Variants in COL11A1 observed in about 807,000 individuals in gnomAD.
COL11A1 encodes collagen type XI alpha 1 chain, also known as collagen alpha-1(XI) chain.
A neutral mutation model predicts 265.2 loss-of-function variants in COL11A1; 74 were observed. The ratio of observed to expected loss-of-function variants is 0.28; its 90% CI spans 0.23 to 0.34. COL11A1 has a LOEUF of 0.34. Among genes scored for constraint, COL11A1 ranks in the 10% least tolerant of loss-of-function variants. The pLI, the probability that COL11A1 is intolerant of heterozygous loss-of-function variation, is 1.00. For synonymous variants in COL11A1, 816 were observed against 727.6 expected, an observed-to-expected ratio of 1.12 and a Z score of -1.96; for missense variants, 2,165 against 2,263.6, an observed-to-expected ratio of 0.96 and a Z score of 0.88.
intron 31 of COL11A1, 68 bp downstream of exon 31, chr1:102,984,065 TGTAAG>T: frequency 9.5e-7 from 1 of 1,056,354 alleles, no homozygotes; most frequent in Non-Finnish European, 1.5e-6. Flanking sequence ...TGTTACAAAT[TGTAAG>T]GTAATCATAA....
At chr1:102,887,331 T>C (rs1485258948) in intron 62 of COL11A1, among the ~76,000 whole-genome samples, 1 of 151,930 alleles carries the variant, frequency 6.6e-6, no homozygotes, top group East Asian at 1.9e-4. Context: ...TGTAGATATG[T>C]TATATATGTT....
At chr1:103,007,378 G>A (rs1557937104) in intron 15 of COL11A1, among the ~76,000 whole-genome samples, 1 of 152,018 alleles carries the variant, frequency 6.6e-6, no homozygotes, top group Non-Finnish European at 1.5e-5. Flanking sequence ...CTAATAATAG[G>A]TCAAATGTAG....
chr1:102,971,898 G>T (rs1662012322), intron 36 of COL11A1, among the ~76,000 whole-genome samples: 1 of 151,858 alleles, frequency 6.6e-6, no homozygotes, highest in Non-Finnish European at 1.5e-5. Context: ...TTTTAACCAA[G>T]GACCCAAAAC....
chr1:102,910,264 C>T (rs1056343309), intron 54 of COL11A1, among the ~76,000 whole-genome samples: 2 of 151,758 alleles, frequency 1.3e-5, no homozygotes, highest in African/African-American at 4.8e-5. Context: ...TTCATGTGAC[C>T]CACCACTGAA....
chr1:103,076,136 A>G (rs1278804653), intron 3 of COL11A1, among the ~76,000 whole-genome samples: 1 of 152,168 alleles, frequency 6.6e-6, no homozygotes, highest in East Asian at 1.9e-4. Flanking sequence ...ATGGTGTCAT[A>G]TATAATATTC....
At chr1:102,919,209 T>G (rs905711303) in intron 49 of COL11A1, among the ~76,000 whole-genome samples, 3 of 151,980 alleles carry the variant, frequency 2.0e-5, no homozygotes, top group Non-Finnish European at 4.4e-5. Context: ...TTTAAGAATA[T>G]ATTAAAAAAG....
chr1:103,010,925 C>T (rs749862831), intron 14 of COL11A1, among the ~76,000 whole-genome samples: 18 of 152,118 alleles, frequency 1.2e-4, no homozygotes, highest in Non-Finnish European at 2.2e-4. Flanking sequence ...GTCTCGAACT[C>T]CCAACCTTAG....
At chr1:103,016,808 T>A (rs149240322) in intron 11 of COL11A1, among the ~76,000 whole-genome samples, 1,596 of 152,134 alleles carry the variant, frequency 0.01, 17 homozygotes, top group Non-Finnish European at 0.013. Context: ...ATGGCTTCTA[T>A]AAAGAAATAA....
intron 45 of COL11A1, 71 bp from the exon 46 acceptor site, chr1:102,934,627 GC>G: frequency 8.1e-7 from 1 of 1,233,992 alleles, no homozygotes; most frequent in Non-Finnish European, 1.2e-6. Context: ...AAAAAATGTG[GC>G]CATTTCTAAT....
At chr1:103,011,298 C>T (rs1666104269) in intron 14 of COL11A1, among the ~76,000 whole-genome samples, 1 of 151,976 alleles carries the variant, frequency 6.6e-6, no homozygotes, top group Admixed American at 6.6e-5. Flanking sequence ...GATATAGAAT[C>T]TGCCATATTA....
At chr1:103,065,293 G>T (rs1671017973) in intron 4 of COL11A1, among the ~76,000 whole-genome samples, 2 of 152,006 alleles carry the variant, frequency 1.3e-5, no homozygotes, top group Admixed American at 6.5e-5. Context: ...GGCCGAGGCG[G>T]GAGGATCACG....
chr1:102,969,652 T>C (rs1433059240), intron 37 of COL11A1, among the ~76,000 whole-genome samples: 1 of 152,238 alleles, frequency 6.6e-6, no homozygotes, highest in Non-Finnish European at 1.5e-5. Flanking sequence ...TTTACTGTTA[T>C]ATTCTTTATA....
At chr1:103,017,733 TA>T in intron 11 of COL11A1, 86 bp downstream of exon 11, 1 of 1,166,212 alleles carries the variant, frequency 8.6e-7, no homozygotes, top group Non-Finnish European at 1.3e-6. Context: ...CGCAGTAAGA[TA>T]ACATGTTATA....
intron 36 of COL11A1, among the ~76,000 whole-genome samples, chr1:102,971,026 C>CA (rs1553221972): frequency 2.7e-5 from 4 of 150,594 alleles, no homozygotes; most frequent in Non-Finnish European, 4.4e-5. Flanking sequence ...ACAAAACAAA[C>CA]AAAAAAAAAC....
intron 25 of COL11A1, among the ~76,000 whole-genome samples, chr1:102,997,449 G>A (rs1312622831): frequency 6.6e-6 from 1 of 151,840 alleles, no homozygotes; most frequent in Non-Finnish European, 1.5e-5. Context: ...TTACATAAAG[G>A]TATTTAAATC....
chr1:102,897,949 T>A (rs1236374180), intron 57 of COL11A1, among the ~76,000 whole-genome samples, 176 bp downstream of exon 57: 1 of 152,214 alleles, frequency 6.6e-6, no homozygotes, highest in Admixed American at 6.5e-5. Flanking sequence ...AAGTGGTTTA[T>A]TTTCCATATA....
At chr1:103,011,510 A>G (rs1666125845) in intron 14 of COL11A1, among the ~76,000 whole-genome samples, 1 of 152,058 alleles carries the variant, frequency 6.6e-6, no homozygotes, top group Admixed American at 6.5e-5. Context: ...GGAAATCTAC[A>G]TAATAAAATC....
intron 4 of COL11A1, among the ~76,000 whole-genome samples, chr1:103,034,376 T>C (rs554587369): frequency 5.0e-4 from 75 of 150,526 alleles, no homozygotes; most frequent in African/African-American, 1.7e-3. Flanking sequence ...CTTTTTTTAA[T>C]GTATTTTTCC....
At chr1:102,973,770 C>T (rs989187705) in intron 36 of COL11A1, among the ~76,000 whole-genome samples, 1 of 152,122 alleles carries the variant, frequency 6.6e-6, no homozygotes, top group African/African-American at 2.4e-5. Flanking sequence ...TTCCTAATAT[C>T]TTTGCAGTAA....
Sources: allele counts gnomAD v4.1 joint callset (sites outside exome capture counted in the v4.1 genomes callset), GRCh38; gene constraint gnomAD v4.1.1; transcripts MANE v1.5; gene names NCBI Gene and HGNC (gene_info 2026-07-23, HGNC 2026-07-21).